NOD1: variants seen among roughly 807,000 people sequenced by gnomAD.
NOD1 encodes nucleotide binding oligomerization domain containing 1.
NOD1 carries 70 observed loss-of-function variants against 81.2 expected under a neutral mutation model. The observed-to-expected ratio is 0.86, with a 90% CI of 0.71 to 1.05. The LOEUF (loss-of-function observed/expected upper bound fraction) is 1.05. Ranked by LOEUF, NOD1 falls within the 50% of genes least tolerant of loss-of-function variation. NOD1 has a pLI of 0.00. For missense variants in NOD1, 1,233 were observed against 1,228.0 expected (o/e 1.00, Z -0.06); for synonymous variants, 508 against 526.9 (o/e 0.96, Z 0.49).
chr7:30,468,448 T>C (rs958785491), intron 1 of NOD1, among the ~76,000 whole-genome samples: 1 of 152,198 alleles, frequency 6.6e-6, no homozygotes, highest in Non-Finnish European at 1.5e-5. Context: ...CAGATTCTTT[T>C]TCCCTTTCTG....
At chr7:30,457,827 C>T (rs571619983) in intron 3 of NOD1, among the ~76,000 whole-genome samples, 88 of 152,106 alleles carry the variant, frequency 5.8e-4, no homozygotes, top group Non-Finnish European at 1.1e-3. Context: ...AAGGAACCTG[C>T]GGACGGTGAT....
In NOD1 at chr7:30,451,973, C is replaced by A; in HGVS notation, c.1444G>T (p.Glu482Ter). ...EKSLFVFTQE[E>*]VQASGLQERD... ...TCCTGCAGCCCGGAGGCCTGCACCT[C>A]CTCCTGGGTGAAGACAAAGAGGCTC... Residue 482 changes from glutamate to a stop codon, truncating the protein, a stop_gained, in exon 6 of 14, where the codon GAG becomes TAG. Coordinates refer to ENST00000222823, the MANE Select transcript of NOD1 (RefSeq NM_006092.4). LOFTEE classifies it high-confidence loss of function. This position sits in a 1 kb window ranked among gnomAD's most constrained non-coding sequence, Gnocchi z 4.2. 6.2e-7 allele frequency: 1 copy of A among 1,613,590 alleles called. No individual in the cohort carries two copies. The highest frequency in any genetic ancestry group is 8.5e-7 in the Non-Finnish European group (1 of 1,180,014).
At chr7:30,469,165 A>T (rs994216696) in intron 1 of NOD1, 77 of 985,424 alleles carry the variant, frequency 7.8e-5, no homozygotes, top group Admixed American at 1.8e-4. Context: ...AAGGAACTTA[A>T]CCTGGAAAAC....
At chr7:30,474,184 G>A (rs1020498430) in intron 1 of NOD1, among the ~76,000 whole-genome samples, 2 of 152,238 alleles carry the variant, frequency 1.3e-5, no homozygotes, top group Non-Finnish European at 2.9e-5. Context: ...ACAACTAGGA[G>A]AAGGAAAGAC....
At position 30,453,018 on chromosome 7, in the gene NOD1, C is replaced by T. The variant is rs561679772; in HGVS notation, c.399G>A (p.Leu133=). Residue 133 remains leucine, a synonymous_variant, in exon 6 of 14, where the codon CTG becomes CTA. Transcript: ENST00000222823. ...TDPVSRYTQQ[L]RHHLGRDSKF... is the part of the protein sequence containing the mutation. The stretch of plus-strand genomic sequence containing the variant: ...TGGAGTCACGGCCCAGATGGTGTCG[C>T]AGCTGCTGGGTATACCTGCTCACTG... 12 of 1,611,074 alleles carry T rather than the reference C, an allele frequency of 7.4e-6. 1 individual carries two copies. In the Admixed American group the frequency reaches 2.0e-4, roughly 27 times the overall value.
intron 1 of NOD1, among the ~76,000 whole-genome samples, chr7:30,477,509 G>GT (rs1562728007): frequency 6.6e-6 from 1 of 151,952 alleles, no homozygotes; most frequent in African/African-American, 2.4e-5. Context: ...CCGTTTTTTT[G>GT]TTTTTTGTTT....
At chr7:30,449,047 A>G (rs1306022548) in intron 6 of NOD1, among the ~76,000 whole-genome samples, 1 of 152,194 alleles carries the variant, frequency 6.6e-6, no homozygotes, top group East Asian at 1.9e-4. Flanking sequence ...CAGCTACTCA[A>G]CTGTGTAGTG....
Position 30,467,403 on chromosome 7 carries a change from C to T in NOD1, c.-351-7362G>A, listed in dbSNP as rs1175674544. 1.3e-5 allele frequency among the ~76,000 whole-genome samples: 2 copies of T among 151,898 alleles called. No homozygotes were observed. The highest frequency in any genetic ancestry group is 3.9e-4 in the East Asian group (2 of 5,178). On this transcript the variant is annotated intron_variant, in intron 1 of 13. Coordinates refer to ENST00000222823, the MANE Select transcript of NOD1 (RefSeq NM_006092.4). This position sits in a 1 kb window ranked among gnomAD's most constrained non-coding sequence, Gnocchi z 4.5. ...TGATTGAAATATTTTAGGGCCTTTTCCTCATTAGGGCATCTCAGGACATCT... is the reference window on the plus strand; with the variant it reads ...TGATTGAAATATTTTAGGGCCTTTTTCTCATTAGGGCATCTCAGGACATCT...
chr7:30,446,243 A>G lies in NOD1; in HGVS notation c.2370-19T>C, dbSNP rs780726599. The G allele has an allele frequency of 1.9e-6, 3 of 1,597,006 alleles. No individual in the cohort carries two copies. The Admixed American group carries it at 5.0e-5, about 27-fold the overall frequency. On this transcript the variant is annotated intron_variant, in intron 8 of 13. Coordinates refer to ENST00000222823, the MANE Select transcript of NOD1 (RefSeq NM_006092.4). ...TCCCAGTCTGCAGAGAGAGTCACAC[A>G]CAGTCAGCCTCCAGCTATGCAGGGG...
chr7:30,429,269 G>C, intron 13 of NOD1, 105 bp downstream of exon 13: 1 of 918,586 alleles, frequency 1.1e-6, no homozygotes, highest in Non-Finnish European at 1.8e-6. Context: ...GTGCAGGGTT[G>C]CTGGAGGAAT....
chr7:30,469,666 A>AC (rs1205246634), intron 1 of NOD1, among the ~76,000 whole-genome samples: 1 of 149,470 alleles, frequency 6.7e-6, no homozygotes, highest in Admixed American at 6.6e-5. Flanking sequence ...TTCAGAGTGC[A>AC]CAGAGAGCCA....
intron 1 of NOD1, among the ~76,000 whole-genome samples, chr7:30,477,283 G>C (rs1329109845): frequency 6.6e-6 from 1 of 152,166 alleles, no homozygotes; most frequent in Non-Finnish European, 1.5e-5. Context: ...GGCATATTCG[G>C]TAGAAGTCTG....
In NOD1 at chr7:30,429,380, T is replaced by C; in HGVS notation, c.2783A>G (p.Glu928Gly). The part of the protein sequence containing the change: ...DALQSNTGIT[E>G]ICLNGNLIKP... ...ACAAACGCTGGGATCTTACCAAATC[T>C]CTGTTATGCCAGTGTTGCTCTGTAA... Residue 928 changes from glutamate to glycine, a missense_variant, in exon 13 of 14, where the codon GAG (glutamate) becomes GGG (glycine). By Grantham distance (98) the Glu-to-Gly change is moderately conservative. Coordinates refer to ENST00000222823, the MANE Select transcript of NOD1 (RefSeq NM_006092.4). 6.2e-7 allele frequency: 1 copy of C among 1,613,612 alleles called. No homozygotes were observed. The highest frequency in any genetic ancestry group is 8.5e-7 in the Non-Finnish European group (1 of 1,179,450).
Position 30,451,145 on chromosome 7 carries a change from T to C in NOD1, c.2201+71A>G. ...AGTCCTGGGGGATCCTGGTCCATGA[T>C]GCCATTCCCGATGCCCTCCGAGCCT... is the stretch of plus-strand genomic sequence containing the variant. On this transcript the variant is annotated intron_variant, in intron 6 of 13. Coordinates refer to ENST00000222823, the MANE Select transcript of NOD1 (RefSeq NM_006092.4). The surrounding 1 kb of genome is among the most constrained non-coding windows in gnomAD (Gnocchi z 4.2). The C allele has an allele frequency of 1.3e-6, 2 of 1,521,742 alleles. No homozygotes were observed. Among genetic ancestry groups the C allele is most frequent in the Non-Finnish European group, 1.8e-6 (2 of 1,126,782 alleles). The allele number at this position is 1,521,742 out of a possible 1,614,324, so 94.3% of individuals were successfully genotyped here.
Position 30,425,701 on chromosome 7 carries a change from T to G in NOD1, c.2799A>C (p.Gly933=). The change falls in exon 14 of 14, where the codon GGA becomes GGC. Residue 933 remains glycine (G), a synonymous_variant. Coordinates refer to ENST00000222823, the MANE Select transcript of NOD1 (RefSeq NM_006092.4). ...NTGITEICLN[G]NLIKPEEAKV... is the part of the protein sequence containing the mutation. ...TGGCCTCCTCTGGTTTTATCAGGTT[T>G]CCATTTAGGCTGTTGAAAAGGAGGA... The G allele has an allele frequency of 6.2e-7, 1 of 1,612,920 alleles. No homozygotes were observed. The highest frequency in any genetic ancestry group is 8.5e-7 in the Non-Finnish European group (1 of 1,178,904).
At chr7:30,432,113 AC>A (rs1255637613) in intron 12 of NOD1, among the ~76,000 whole-genome samples, 2 of 152,190 alleles carry the variant, frequency 1.3e-5, no homozygotes, top group East Asian at 3.8e-4. Context: ...CTCAAAAAAA[AC>A]AAAAATTAAA....
At chr7:30,453,151 A>G in intron 5 of NOD1, 111 bp from the exon 6 acceptor site, 1 of 1,228,220 alleles carries the variant, frequency 8.1e-7, no homozygotes, top group Non-Finnish European at 1.1e-6. Context: ...AAAATTCACA[A>G]CCTGGGCCCT....
intron 6 of NOD1, among the ~76,000 whole-genome samples, chr7:30,448,690 C>T (rs995852713): frequency 2.6e-5 from 4 of 152,188 alleles, no homozygotes; most frequent in African/African-American, 9.7e-5. Flanking sequence ...TTGCGTGTGA[C>T]CTATGTGTCA....
intron 3 of NOD1, among the ~76,000 whole-genome samples, 183 bp from the exon 4 acceptor site, chr7:30,457,225 T>C (rs879709542): frequency 6.6e-6 from 1 of 152,126 alleles, no homozygotes; most frequent in Non-Finnish European, 1.5e-5. Flanking sequence ...GATGGGTAGA[T>C]AGCTTGAAGT....
Sources: gnomAD v4.1 joint callset for allele counts (sites outside exome capture counted in the v4.1 genomes callset) on GRCh38, gnomAD v4.1.1 for gene constraint, Gnocchi (gnomAD v3.1) non-coding constraint, MANE v1.5 for transcripts, NCBI Gene and HGNC (gene_info 2026-07-23, HGNC 2026-07-21) for gene names.